CES5A: variants seen among roughly 807,000 people sequenced by gnomAD.
CES5A encodes the protein carboxylesterase 5A.
In CES5A, 67 loss-of-function variants were observed where a neutral mutation model predicts 62.9. The observed-to-expected ratio is 1.07, with a 90% CI of 0.88 to 1.31. CES5A has a LOEUF of 1.31. Ranked by LOEUF, CES5A falls within the 50% of genes most tolerant of loss-of-function variation. CES5A has a pLI of 0.00. For missense variants in CES5A, 748 were observed against 708.5 expected, an observed-to-expected ratio of 1.06 and a Z score of -0.63; for synonymous variants, 296 against 280.8, an observed-to-expected ratio of 1.05 and a Z score of -0.54.
chr16:55,894,063 A>C (rs1256639852), intron 1 of CES5A, among the ~76,000 whole-genome samples: 2 of 152,216 alleles, frequency 1.3e-5, no homozygotes, highest in Non-Finnish European at 2.9e-5. Context: ...AGAAACCAAA[A>C]GATGAAAAAC....
chr16:55,949,665 A>G, intron 2 of CES5A: 1 of 425,092 alleles, frequency 2.4e-6, no homozygotes, highest in Non-Finnish European at 4.1e-6. Flanking sequence ...CAATGAAAAT[A>G]AACACAAAGG....
chr16:55,872,034 T>C (rs2033600594), intron 2 of CES5A, among the ~76,000 whole-genome samples: 1 of 152,114 alleles, frequency 6.6e-6, no homozygotes, highest in African/African-American at 2.4e-5. Context: ...CTCCCATGCC[T>C]ACACCACCCT....
chr16:55,948,555 G>T (rs1440811697), intron 2 of CES5A, among the ~76,000 whole-genome samples: 2 of 152,088 alleles, frequency 1.3e-5, no homozygotes, highest in African/African-American at 4.8e-5. Flanking sequence ...AGGCCCCCTG[G>T]GGAAATTTGT....
Position 55,930,561 on chromosome 16 carries a change from A to G in CES5A, c.160+19224T>C, listed in dbSNP as rs1242286169. ...TGTGCCACCTTGGGACTCTGCAGAG[A>G]GTCCCCACCAGCAAGAAGGCCCTTG... On this transcript the variant is annotated intron_variant, in intron 2 of 13. Transcript: ENST00000521992. Among the ~76,000 whole-genome samples the G allele has an allele frequency of 2.6e-5, 4 of 152,270 alleles. No individual in the cohort carries two copies. In the East Asian group the frequency reaches 7.7e-4, roughly 29 times the overall value.
chr16:55,905,444 G>A (rs1299272432), intron 1 of CES5A, among the ~76,000 whole-genome samples: 2 of 150,676 alleles, frequency 1.3e-5, no homozygotes, highest in Admixed American at 1.3e-4. Flanking sequence ...TCGGCTCACT[G>A]CAACCTCCGC....
At chr16:55,922,500 T>C (rs2034215840) in intron 1 of CES5A, among the ~76,000 whole-genome samples, 1 of 151,936 alleles carries the variant, frequency 6.6e-6, no homozygotes, top group Non-Finnish European at 1.5e-5. Flanking sequence ...ATATAACAAT[T>C]ATAAATACTT....
chr16:55,861,460 C>A lies in CES5A; in HGVS notation c.867G>T (p.Leu289=). 1 of 1,614,076 alleles carries A rather than the reference C, an allele frequency of 6.2e-7. No homozygotes were observed. Among genetic ancestry groups the A allele is most frequent in the South Asian group, 1.1e-5 (1 of 91,064 alleles). Residue 289 remains leucine, a synonymous_variant, in exon 7 of 13, where the codon CTG becomes CTT. Transcript: ENST00000290567. ...GNNASDSEAL[L]RCLRTKPSKE... Reference sequence around the variant, plus strand: ...TGGAGGGTTTTGTCCTCAGGCACCTCAGCAGGGCCTCAGAGTCTGACGCAT... The same window carrying A: ...TGGAGGGTTTTGTCCTCAGGCACCTAAGCAGGGCCTCAGAGTCTGACGCAT...
At chr16:55,950,775 T>G (rs940615326) in intron 1 of CES5A, among the ~76,000 whole-genome samples, 1 of 151,766 alleles carries the variant, frequency 6.6e-6, no homozygotes, top group South Asian at 2.1e-4. Context: ...TTAGATTGAA[T>G]GGATCTATCA....
intron 1 of CES5A, among the ~76,000 whole-genome samples, chr16:55,905,826 G>C (rs17319026): frequency 2.0e-5 from 3 of 152,112 alleles, no homozygotes; most frequent in Non-Finnish European, 2.9e-5. Context: ...AAAACTATAC[G>C]CGCAATGGAG....
chr16:55,929,874 T>A, upstream of CES5A, among the ~76,000 whole-genome samples: 1 of 152,208 alleles, frequency 6.6e-6, no homozygotes, highest in East Asian at 1.9e-4. Flanking sequence ...TACTGATTTT[T>A]GGCCCCCACT....
Position 55,851,822 on chromosome 16 carries a change from G to T in CES5A, c.1273+1059C>A, listed in dbSNP as rs139701402. Reference sequence around the variant, plus strand: ...TAATGAATAAATGGATACACAAAATGTGATATATACATACAATGGAACATT... The same window carrying T: ...TAATGAATAAATGGATACACAAAATTTGATATATACATACAATGGAACATT... On this transcript the variant is annotated intron_variant, in intron 10 of 12. Coordinates refer to ENST00000290567, the MANE Select transcript of CES5A (RefSeq NM_001143685.2). Among the ~76,000 whole-genome samples, 383 of 152,308 alleles carry T rather than the reference G, an allele frequency of 2.5e-3. 1 individual carries two copies. The highest frequency in any genetic ancestry group is 8.2e-3 in the African/African-American group (342 of 41,564).
chr16:55,858,903 C>T (rs1463957760), intron 8 of CES5A, among the ~76,000 whole-genome samples: 2 of 152,098 alleles, frequency 1.3e-5, no homozygotes, highest in African/African-American at 4.8e-5. Context: ...TTCCTGACCA[C>T]CTGTTATCCT....
intron 10 of CES5A, among the ~76,000 whole-genome samples, chr16:55,851,502 A>G (rs556001066): frequency 6.6e-6 from 1 of 152,342 alleles, no homozygotes; most frequent in South Asian, 2.1e-4. Flanking sequence ...AAAATAACAA[A>G]TGTTGGTCAA....
chr16:55,853,976 G>T (rs1204753027), intron 9 of CES5A, among the ~76,000 whole-genome samples: 1 of 152,194 alleles, frequency 6.6e-6, no homozygotes, highest in African/African-American at 2.4e-5. Flanking sequence ...TGGGTCCTCA[G>T]GAGGCTGGTG....
At position 55,894,033 on chromosome 16, in the gene CES5A, C is replaced by T. The variant is rs140716228; in HGVS notation, c.-255-19996G>A. ...AGAAAAAAAGCAATAAGAATGGTGT[C>T]TATTTTTGTTAGAAAAAATAGAAAC... On this transcript the variant is annotated intron_variant, in intron 1 of 12. Coordinates refer to the CES5A transcript ENST00000518005. Among the ~76,000 whole-genome samples the T allele has an allele frequency of 1.8e-4, 28 of 151,822 alleles. No homozygotes were observed. In the East Asian group the frequency reaches 4.4e-3, roughly 24 times the overall value.
chr16:55,951,743 C>T (rs564584292), intron 1 of CES5A, among the ~76,000 whole-genome samples: 84 of 152,194 alleles, frequency 5.5e-4, no homozygotes, highest in Admixed American at 1.2e-3. Flanking sequence ...TCAATAGAGA[C>T]GATATCTCAG....
chr16:55,880,508 CA>C (rs1448162331), intron 1 of CES5A, among the ~76,000 whole-genome samples: 2 of 152,160 alleles, frequency 1.3e-5, no homozygotes, highest in Non-Finnish European at 2.9e-5. Context: ...CCTTTTTACC[CA>C]AATCCCTGCC....
intron 4 of CES5A, among the ~76,000 whole-genome samples, chr16:55,866,473 C>T (rs112421657): frequency 0.025 from 3,857 of 151,834 alleles, 131 homozygotes; most frequent in African/African-American, 0.071. Context: ...TACTAGAAAG[C>T]AAGAAGTTTC....
chr16:55,899,771 C>T (rs1479471059), intron 1 of CES5A, among the ~76,000 whole-genome samples: 2 of 152,194 alleles, frequency 1.3e-5, no homozygotes, highest in East Asian at 1.9e-4. Flanking sequence ...TGCCACCAAA[C>T]ATCCCACAGG....
Sources: allele counts gnomAD v4.1 joint callset (sites outside exome capture counted in the v4.1 genomes callset), GRCh38; gene constraint gnomAD v4.1.1; transcripts MANE v1.5; gene names NCBI Gene and HGNC (gene_info 2026-07-23, HGNC 2026-07-21).